CDH8: variants seen among roughly 807,000 people sequenced by gnomAD.
The protein encoded by CDH8 is cadherin 8, also known as cadherin-8.
Under a neutral mutation model 68.1 loss-of-function variants are expected in CDH8, and 17 were observed. The ratio of observed to expected loss-of-function variants is 0.25; its 90% CI spans 0.17 to 0.37. The LOEUF (loss-of-function observed/expected upper bound fraction) is 0.37, where lower values mean the gene tolerates loss of function less well. CDH8 is among the 10% of genes least tolerant of loss of function. The pLI, the probability that CDH8 is intolerant of heterozygous loss-of-function variation, is 1.00. For missense variants in CDH8, 763 were observed against 999.3 expected (o/e 0.76, Z 3.19); for synonymous variants, 372 against 365.1 (o/e 1.02, Z -0.21).
At chr16:61,817,374 G>A in intron 7 of CDH8, 105 bp downstream of exon 7, 5 of 1,102,982 alleles carry the variant, frequency 4.5e-6, no homozygotes, top group Non-Finnish European at 6.8e-6. Context: ...TTGGTCATGT[G>A]AGCATAGTCC....
intron 10 of CDH8, among the ~76,000 whole-genome samples, chr16:61,672,070 T>C (rs1315769879): frequency 6.6e-6 from 1 of 152,136 alleles, no homozygotes; most frequent in Non-Finnish European, 1.5e-5. Flanking sequence ...AAAGGGATTT[T>C]TTTTGAATGA....
chr16:61,703,614 A>T (rs183677637), intron 10 of CDH8, among the ~76,000 whole-genome samples: 2 of 152,214 alleles, frequency 1.3e-5, no homozygotes, highest in Admixed American at 1.3e-4. Context: ...GCCGAGGCGC[A>T]TGGATCACGA....
At chr16:61,817,802 G>A in intron 6 of CDH8, 70 bp from the exon 7 acceptor site, 9 of 1,440,676 alleles carry the variant, frequency 6.2e-6, no homozygotes, top group Non-Finnish European at 7.5e-6. Context: ...TGAGTATAAT[G>A]CTGATGGATG....
chr16:61,681,232 T>C (rs1964007250), intron 10 of CDH8, among the ~76,000 whole-genome samples: 2 of 151,906 alleles, frequency 1.3e-5, no homozygotes. Context: ...CAAGTGTTTA[T>C]AGAAGCATTA....
chr16:61,929,513 A>T (rs981336589), intron 2 of CDH8, among the ~76,000 whole-genome samples: 1 of 152,230 alleles, frequency 6.6e-6, no homozygotes, highest in Admixed American at 6.5e-5. Context: ...TGAGCTTACC[A>T]GCAGTGATTT....
chr16:61,671,919 C>A (rs1002503346), intron 10 of CDH8, among the ~76,000 whole-genome samples: 5 of 151,880 alleles, frequency 3.3e-5, no homozygotes, highest in African/African-American at 1.2e-4. Flanking sequence ...ATGATTGAAA[C>A]AGAAATCACA....
rs999724984 is a variant in CDH8, at chr16:61,653,184, C to A, written c.*424G>T. The A allele has an allele frequency of 3.3e-6, 4 of 1,220,066 alleles. No homozygotes were observed. Among genetic ancestry groups the A allele is most frequent in the South Asian group, 4.1e-5 (1 of 24,636 alleles). The allele number at this position is 1,220,066 out of a possible 1,614,324, so 75.6% of individuals were successfully genotyped here. On this transcript the variant is annotated 3_prime_UTR_variant, in exon 12 of 12. Transcript: ENST00000577390. Reference sequence around the variant, plus strand: ...ATCCTTATTGGTGAAGGGGAAAAAACCATTTGCATTCATAAAAATCCTTGC... The same window carrying A: ...ATCCTTATTGGTGAAGGGGAAAAAAACATTTGCATTCATAAAAATCCTTGC...
chr16:61,897,117 A>T (rs565710556), intron 3 of CDH8, among the ~76,000 whole-genome samples: 20 of 149,374 alleles, frequency 1.3e-4, no homozygotes, highest in South Asian at 4.2e-4. Flanking sequence ...CATAACTATG[A>T]ATTCTATATA....
intron 2 of CDH8, chr16:61,940,817 T>A (rs1395662219): frequency 6.6e-6 from 1 of 152,204 alleles, no homozygotes; most frequent in Non-Finnish European, 1.5e-5. Flanking sequence ...GGAAATAAAA[T>A]GCAATACGGA....
chr16:61,815,670 G>T (rs1275403943), intron 7 of CDH8, among the ~76,000 whole-genome samples: 2 of 152,058 alleles, frequency 1.3e-5, no homozygotes, highest in African/African-American at 2.4e-5. Flanking sequence ...CATGCTCCTG[G>T]CTGACAAGAG....
intron 2 of CDH8, among the ~76,000 whole-genome samples, chr16:61,932,155 C>A (rs1347563510): frequency 6.8e-6 from 1 of 147,140 alleles, no homozygotes; most frequent in African/African-American, 2.5e-5. Context: ...TGCAGTGAGC[C>A]GAGAAGGCGC....
intron 4 of CDH8, among the ~76,000 whole-genome samples, chr16:61,856,714 C>A (rs900578757): frequency 6.6e-6 from 1 of 152,114 alleles, no homozygotes; most frequent in African/African-American, 2.4e-5. Flanking sequence ...ATCTGATCTT[C>A]TTCACAGTAT....
chr16:61,810,390 G>T (rs1961912805), intron 7 of CDH8, among the ~76,000 whole-genome samples: 1 of 151,898 alleles, frequency 6.6e-6, no homozygotes, highest in African/African-American at 2.4e-5. Flanking sequence ...GAATTCTAAG[G>T]TCCCTGCATC....
chr16:61,993,698 T>C (rs925537279), intron 2 of CDH8, among the ~76,000 whole-genome samples: 1 of 152,192 alleles, frequency 6.6e-6, no homozygotes, highest in Non-Finnish European at 1.5e-5. Flanking sequence ...ACTACTGTTA[T>C]CAAGTTATAT....
intron 8 of CDH8, among the ~76,000 whole-genome samples, chr16:61,766,687 A>G (rs1960604184): frequency 6.6e-6 from 1 of 151,802 alleles, no homozygotes; most frequent in Non-Finnish European, 1.5e-5. Context: ...TAACTTTTTA[A>G]TAATGACCAT....
intron 4 of CDH8, among the ~76,000 whole-genome samples, chr16:61,849,332 A>G (rs1170365159): frequency 1.3e-5 from 2 of 151,826 alleles, no homozygotes; most frequent in Non-Finnish European, 2.9e-5. Context: ...AAAAAAAAAA[A>G]GGAAATTGGA....
intron 10 of CDH8, among the ~76,000 whole-genome samples, chr16:61,687,165 CT>C (rs1447240089): frequency 6.6e-6 from 1 of 151,692 alleles, no homozygotes; most frequent in Non-Finnish European, 1.5e-5. Context: ...ATTTGTCTTC[CT>C]TTTTTCCTGT....
At chr16:61,654,764 C>T (rs1309214103) in intron 11 of CDH8, among the ~76,000 whole-genome samples, 1 of 152,138 alleles carries the variant, frequency 6.6e-6, no homozygotes, top group Non-Finnish European at 1.5e-5. Context: ...ATCCAAGACA[C>T]TGGGTGAGAA....
chr16:61,687,306 T>C (rs1242838480), intron 10 of CDH8, among the ~76,000 whole-genome samples: 2 of 152,026 alleles, frequency 1.3e-5, no homozygotes, highest in African/African-American at 4.8e-5. Flanking sequence ...AATTCTTTAC[T>C]TAATATGTAC....
Sources: allele counts gnomAD v4.1 joint callset (sites outside exome capture counted in the v4.1 genomes callset), GRCh38; gene constraint gnomAD v4.1.1; transcripts MANE v1.5; gene names NCBI Gene and HGNC (gene_info 2026-07-23, HGNC 2026-07-21).